The following ATOSA variants were observed in gnomAD, a reference collection of about 807,000 sequenced individuals.
ATOSA encodes the protein atos homolog protein A.
the ATOSA span, chr15:52,581,802 A>G: frequency 5.7e-6 from 1 of 175,030 alleles, no homozygotes; most frequent in East Asian, 1.5e-4. Flanking sequence ...ATGATTTTAC[A>G]TAGGATTTGT....
the ATOSA span, among the ~76,000 whole-genome samples, chr15:52,595,685 G>A: frequency 6.6e-6 from 1 of 152,096 alleles, no homozygotes; most frequent in South Asian, 2.1e-4. Flanking sequence ...GATCACTGGC[G>A]ATTTTTTGTA....
At chr15:52,611,114 T>C in the ATOSA span, 1 of 1,591,072 alleles carries the variant, frequency 6.3e-7, no homozygotes, top group Non-Finnish European at 8.5e-7. Flanking sequence ...TCCTTTTTTT[T>C]TGGCCCTAGA....
chr15:52,598,212 A>G, the ATOSA span, among the ~76,000 whole-genome samples: 2 of 152,192 alleles, frequency 1.3e-5, no homozygotes, highest in South Asian at 4.1e-4. Context: ...ATAGCTGATG[A>G]GCTTAAAAAA....
chr15:52,660,762 C>T, the ATOSA span, among the ~76,000 whole-genome samples: 1,551 of 152,282 alleles, frequency 0.01, 25 homozygotes, highest in African/African-American at 0.036. Flanking sequence ...AGCAATTCTC[C>T]TGCCTCAGCC....
the ATOSA span, among the ~76,000 whole-genome samples, chr15:52,598,114 ACT>A: frequency 2.0e-5 from 3 of 152,088 alleles, no homozygotes; most frequent in African/African-American, 7.2e-5. Context: ...ACAGAGTGAG[ACT>A]CTGTCTCAAA....
the ATOSA span, chr15:52,584,989 T>C: frequency 1.4e-6 from 2 of 1,470,766 alleles, no homozygotes; most frequent in South Asian, 1.3e-5. Context: ...TAGTGATTTG[T>C]TGATGTGATT....
At chr15:52,672,060 G>A in the ATOSA span, among the ~76,000 whole-genome samples, 4 of 148,260 alleles carry the variant, frequency 2.7e-5, no homozygotes, top group African/African-American at 9.9e-5. Flanking sequence ...GTCTGGGCCA[G>A]GTGCAATTCC....
At chr15:52,611,958 T>C in the ATOSA span, among the ~76,000 whole-genome samples, 1 of 152,148 alleles carries the variant, frequency 6.6e-6, no homozygotes, top group Non-Finnish European at 1.5e-5. Flanking sequence ...CTTAGTGAGC[T>C]CTAGAGTGCA....
At chr15:52,620,737 T>G in the ATOSA span, among the ~76,000 whole-genome samples, 3,514 of 151,994 alleles carry the variant, frequency 0.023, 113 homozygotes, top group African/African-American at 0.073. Context: ...TTGCTTGAGC[T>G]CTGGAATTCA....
At chr15:52,609,357 T>C in the ATOSA span, 2 of 1,613,956 alleles carry the variant, frequency 1.2e-6, no homozygotes, top group South Asian at 2.2e-5. Context: ...TCCTAAACAC[T>C]TTAGATGCAA....
chr15:52,623,076 T>A, the ATOSA span, among the ~76,000 whole-genome samples: 2 of 152,004 alleles, frequency 1.3e-5, no homozygotes, highest in Admixed American at 1.3e-4. Flanking sequence ...GCAGGACTGC[T>A]TGAGCCCAGG....
At chr15:52,655,858 A>G in the ATOSA span, among the ~76,000 whole-genome samples, 1 of 152,082 alleles carries the variant, frequency 6.6e-6, no homozygotes, top group Non-Finnish European at 1.5e-5. Context: ...AAATTATTTA[A>G]CCTGTCTGAA....
chr15:52,596,702 C>T, the ATOSA span, among the ~76,000 whole-genome samples: 2 of 152,144 alleles, frequency 1.3e-5, no homozygotes, highest in African/African-American at 4.8e-5. Context: ...TCCCACAATG[C>T]ACAAACAGCC....
the ATOSA span, among the ~76,000 whole-genome samples, chr15:52,602,695 TCCCATGTACTACTCCA>T: frequency 6.6e-6 from 1 of 152,178 alleles, no homozygotes; most frequent in Non-Finnish European, 1.5e-5. Context: ...CTTCTTTTTC[TCCCATGTACTACTCCA>T]CCCGAGTAAA....
chr15:52,613,541 A>AT, the ATOSA span: 403 of 1,135,384 alleles, frequency 3.5e-4, no homozygotes, highest in African/African-American at 5.9e-3. Flanking sequence ...CAGGATTTGG[A>AT]TTTTTTCCCT....
chr15:52,630,842 G>C, the ATOSA span, among the ~76,000 whole-genome samples: 211 of 152,272 alleles, frequency 1.4e-3, 1 homozygote, highest in African/African-American at 4.6e-3. Flanking sequence ...AGGAGTAAAC[G>C]TAAGTACAAG....
At chr15:52,689,795 A>G in the ATOSA span, among the ~76,000 whole-genome samples, 17 of 152,328 alleles carry the variant, frequency 1.1e-4, no homozygotes, top group African/African-American at 4.1e-4. Context: ...ATGGGAAGGT[A>G]GTGATGTGCA....
the ATOSA span, among the ~76,000 whole-genome samples, chr15:52,641,777 G>A: frequency 2.9e-4 from 44 of 152,160 alleles, no homozygotes; most frequent in Non-Finnish European, 5.4e-4. Context: ...CACATTTTCT[G>A]ATTTTTTCCC....
the ATOSA span, among the ~76,000 whole-genome samples, chr15:52,673,222 T>C: frequency 0.046 from 7,052 of 152,330 alleles, 307 homozygotes; most frequent in East Asian, 0.24. Context: ...TTCCCTATTG[T>C]AAAGATAAAG....
Sources: allele counts gnomAD v4.1 joint callset (sites outside exome capture counted in the v4.1 genomes callset), GRCh38; gene constraint gnomAD v4.1.1; transcripts MANE v1.5; gene names NCBI Gene and HGNC (gene_info 2026-07-23, HGNC 2026-07-21).